Variants in CMC1 observed in about 807,000 individuals in gnomAD.
CMC1 encodes COX assembly mitochondrial protein homolog.
CMC1 carries 14 observed loss-of-function variants against 14.1 expected under a neutral mutation model. That is an observed-to-expected ratio of 0.99 (90% confidence interval 0.66 to 1.55). The LOEUF is 1.55. Ranked by LOEUF, CMC1 falls within the 40% of genes most tolerant of loss-of-function variation. The pLI is 0.00. For synonymous variants in CMC1, 50 were observed against 38.4 expected (o/e 1.30, Z -1.12); for missense variants, 127 against 123.8 (o/e 1.03, Z -0.12).
At chr3:28,261,712 ATAG>A (rs1193758230) in intron 1 of CMC1, among the ~76,000 whole-genome samples, 1 of 152,104 alleles carries the variant, frequency 6.6e-6, no homozygotes, top group East Asian at 1.9e-4. Flanking sequence ...GTTGTTGCAC[ATAG>A]TAGTCATTCC....
At chr3:28,265,753 T>C (rs1191389341) in intron 2 of CMC1, among the ~76,000 whole-genome samples, 1 of 152,168 alleles carries the variant, frequency 6.6e-6, no homozygotes, top group East Asian at 1.9e-4. Flanking sequence ...GAAAGAAAGA[T>C]GCCTCATTAT....
chr3:28,316,244 T>TG (rs917574894), intron 2 of CMC1, 89 bp from the exon 3 acceptor site: 270 of 659,458 alleles, frequency 4.1e-4, no homozygotes, highest in Non-Finnish European at 6.2e-4. Flanking sequence ...AGGCTTTCTT[T>TG]TTTTTTTTCT....
chr3:28,291,971 T>G (rs1482103442), intron 2 of CMC1: 9 of 152,190 alleles, frequency 5.9e-5, no homozygotes, highest in Non-Finnish European at 1.3e-4. Flanking sequence ...AAAGGTTTTT[T>G]TATACTAAGT....
intron 1 of CMC1, chr3:28,253,613 A>T: frequency 2.1e-6 from 1 of 483,392 alleles, no homozygotes; most frequent in Non-Finnish European, 3.5e-6. Flanking sequence ...AAAACCCCCC[A>T]AAAAACTCCC....
rs765674197 is a variant in CMC1, at chr3:28,308,989, AATAAAT to A, written c.110-7342_110-7337del. Among the ~76,000 whole-genome samples, 4 of 30,220 alleles carry A rather than the reference AATAAAT, an allele frequency of 1.3e-4. 1 individual carries two copies. Among genetic ancestry groups the A allele is most frequent in the Non-Finnish European group, 2.4e-4 (2 of 8,194 alleles). 19.8% of individuals were successfully genotyped at this position (30,220 alleles called of 152,430 possible). On this transcript the variant is annotated intron_variant, in intron 2 of 3. Transcript: ENST00000466830. ...GGAGCGAGACTCCGTCTCAAAAAAA[AATAAAT>A]AAATAAATAAATAAGCCTGCAAAAC...
At position 28,305,779 on chromosome 3, in the gene CMC1, A is replaced by ATTTTTTT. The variant is rs71087685; in HGVS notation, c.110-10529_110-10523dup. Reference sequence around the variant, plus strand: ...GTGTCCAGAAGAGTTTTTCATAGGAATTTTTTTTTTTTTTTTTTTTTTTTT... The same window carrying ATTTTTTT: ...GTGTCCAGAAGAGTTTTTCATAGGAATTTTTTTTTTTTTTTTTTTTTTTTTTTTTTTT... On this transcript the variant is annotated intron_variant, in intron 2 of 3. Coordinates refer to ENST00000466830, the MANE Select transcript of CMC1 (RefSeq NM_182523.2). Among the ~76,000 whole-genome samples the ATTTTTTT allele has an allele frequency of 2.1e-3, 93 of 43,570 alleles. 4 individuals carry two copies. Among genetic ancestry groups the ATTTTTTT allele is most frequent in the African/African-American group, 8.6e-3 (77 of 8,994 alleles). The allele number at this position is 43,570 out of a possible 152,430, so 28.6% of individuals were successfully genotyped here. A position where few individuals can be genotyped will look rare whatever the true frequency, so the allele number is the denominator to read the frequency against.
intron 2 of CMC1, among the ~76,000 whole-genome samples, chr3:28,282,199 A>G (rs1478410866): frequency 6.6e-6 from 1 of 152,232 alleles, no homozygotes; most frequent in East Asian, 1.9e-4. Context: ...TTTACTTTTT[A>G]AATTTTGGCT....
In CMC1 at chr3:28,313,987, TGGTCTGGTATA is replaced by T. The variant is rs1349834901; in HGVS notation, c.110-2342_110-2332del. 2.0e-5 allele frequency among the ~76,000 whole-genome samples: 3 copies of T among 152,200 alleles called. No homozygotes were observed. The East Asian group carries it at 5.8e-4, about 29-fold the overall frequency. On this transcript the variant is annotated intron_variant, in intron 2 of 3. Coordinates refer to ENST00000466830, the MANE Select transcript of CMC1 (RefSeq NM_182523.2). ...TCTACCAAATATTATTTGGGTGAAC[TGGTCTGGTATA>T]GGTATAGTAAGGTGACAGTAAAGGT...
chr3:28,285,503 T>C (rs1156633864), intron 2 of CMC1, among the ~76,000 whole-genome samples: 1 of 151,996 alleles, frequency 6.6e-6, no homozygotes, highest in East Asian at 1.9e-4. Context: ...GAGAGTGGAA[T>C]AATAGACATT....
intron 2 of CMC1, among the ~76,000 whole-genome samples, chr3:28,305,779 A>ATTTTTTTTTTTTTTTTTTTTTTTTTT (rs71087685): frequency 2.3e-5 from 1 of 43,534 alleles, no homozygotes; most frequent in Non-Finnish European, 3.7e-5. Flanking sequence ...TTTCATAGGA[A>ATTTTTTTTTTTTTTTTTTTTTTTTTT]TTTTTTTTTT....
chr3:28,284,051 G>C (rs999469485), intron 2 of CMC1, among the ~76,000 whole-genome samples: 1 of 152,122 alleles, frequency 6.6e-6, no homozygotes, highest in Non-Finnish European at 1.5e-5. Flanking sequence ...AATATCTGAA[G>C]ATTTGACTTA....
In CMC1 at chr3:28,322,644, T is replaced by C. The variant is rs1252051613; in HGVS notation, c.*3015T>C. 6.6e-6 allele frequency: 1 copy of C among 151,600 alleles called. No homozygotes were observed. The highest frequency in any genetic ancestry group is 1.5e-5 in the Non-Finnish European group (1 of 67,408). 9.4% of individuals were successfully genotyped at this position (151,600 alleles called of 1,614,324 possible). ...TTTATGCATATTGGGTTTGGTTCTA[T>C]TACTTGGCAGGAGATTGTACTCCCC... is the stretch of plus-strand genomic sequence containing the variant. On this transcript the variant is annotated 3_prime_UTR_variant, in exon 4 of 4. Coordinates refer to ENST00000466830, the MANE Select transcript of CMC1 (RefSeq NM_182523.2).
At chr3:28,285,623 C>T (rs1048198480) in intron 2 of CMC1, among the ~76,000 whole-genome samples, 7 of 151,650 alleles carry the variant, frequency 4.6e-5, no homozygotes, top group African/African-American at 1.7e-4. Context: ...GACTTCCTCC[C>T]TACACAATAT....
intron 1 of CMC1, among the ~76,000 whole-genome samples, chr3:28,261,242 G>A (rs982661788): frequency 1.3e-5 from 2 of 151,832 alleles, no homozygotes; most frequent in African/African-American, 4.8e-5. Context: ...TTACAAAGAA[G>A]GTTACAAAAT....
rs771125946 is a variant in CMC1, at chr3:28,324,160, G to A, written c.*4531G>A. On this transcript the variant is annotated 3_prime_UTR_variant, in exon 4 of 4. Transcript: ENST00000466830. ...AAATGCTGTCTCACTTGATTTAGGA[G>A]GACTTGGAAATACCCAGGAATTGTC... 7 of 1,610,646 alleles carry A rather than the reference G, an allele frequency of 4.3e-6. No homozygotes were observed. The highest frequency in any genetic ancestry group is 5.9e-6 in the Non-Finnish European group (7 of 1,177,626).
intron 2 of CMC1, among the ~76,000 whole-genome samples, chr3:28,314,711 G>T (rs998380927): frequency 6.6e-6 from 1 of 152,282 alleles, no homozygotes; most frequent in South Asian, 2.1e-4. Flanking sequence ...TCACTATGAT[G>T]TTGTGAGTGG....
At chr3:28,270,254 T>C (rs950987252) in intron 2 of CMC1, among the ~76,000 whole-genome samples, 1 of 152,240 alleles carries the variant, frequency 6.6e-6, no homozygotes, top group Non-Finnish European at 1.5e-5. Context: ...GAATGATTTA[T>C]ATTCCTTTAG....
chr3:28,305,824 AC>A lies in CMC1; in HGVS notation c.110-10508del, dbSNP rs1702279954. On this transcript the variant is annotated intron_variant, in intron 2 of 3. Coordinates refer to ENST00000466830, the MANE Select transcript of CMC1 (RefSeq NM_182523.2). The stretch of plus-strand genomic sequence containing the variant: ...TTTTTTTTTTTTAGTTTGAGGTCTT[AC>A]GTTTAAGTCTTTCAGCGATCTTGAG... Among the ~76,000 whole-genome samples the A allele has an allele frequency of 1.0e-4, 7 of 66,670 alleles. 1 individual carries two copies. In the South Asian group the frequency reaches 3.3e-3, roughly 31 times the overall value. 43.7% of individuals were successfully genotyped at this position (66,670 alleles called of 152,430 possible). A position where few individuals can be genotyped will look rare whatever the true frequency, so the allele number is the denominator to read the frequency against.
Position 28,320,277 on chromosome 3 carries a change from G to T in CMC1, c.*648G>T, listed in dbSNP as rs1703144376. 6.6e-6 allele frequency: 1 copy of T among 151,540 alleles called. No individual in the cohort carries two copies. The highest frequency in any genetic ancestry group is 1.5e-5 in the Non-Finnish European group (1 of 67,690). 9.4% of individuals were successfully genotyped at this position (151,540 alleles called of 1,614,324 possible). ...GCTATGGGAGAATACCCAAGACCAG[G>T]TAATTTATAAGAAAAGTTTGTTTGG... On this transcript the variant is annotated 3_prime_UTR_variant, in exon 4 of 4. Transcript: ENST00000466830.
Sources: allele counts gnomAD v4.1 joint callset (sites outside exome capture counted in the v4.1 genomes callset), GRCh38; gene constraint gnomAD v4.1.1; transcripts MANE v1.5; gene names NCBI Gene and HGNC (gene_info 2026-07-23, HGNC 2026-07-21).